The following MAGI2 variants were observed in gnomAD, a reference collection of about 807,000 sequenced individuals.
The protein encoded by MAGI2 is membrane-associated guanylate kinase, WW and PDZ domain-containing protein 2.
MAGI2 carries 35 observed loss-of-function variants against 133.3 expected under a neutral mutation model. The observed-to-expected ratio is 0.26, with a 90% confidence interval of 0.20 to 0.35. MAGI2 has a LOEUF of 0.35. Among genes scored for constraint, MAGI2 ranks in the 10% least tolerant of loss-of-function variants. The pLI, the probability that MAGI2 is intolerant of heterozygous loss-of-function variation, is 1.00. For missense variants in MAGI2, 1,636 were observed against 1,863.4 expected (o/e 0.88, Z 2.25); for synonymous variants, 729 against 710.6 (o/e 1.03, Z -0.41).
At chr7:78,290,670 T>G (rs1221797851) in intron 9 of MAGI2, among the ~76,000 whole-genome samples, 3 of 152,190 alleles carry the variant, frequency 2.0e-5, no homozygotes, top group African/African-American at 7.2e-5. Flanking sequence ...GCATTGCACT[T>G]ATTCCAAAAT....
chr7:79,407,766 A>G (rs1176555753), intron 1 of MAGI2, among the ~76,000 whole-genome samples: 3 of 152,004 alleles, frequency 2.0e-5, no homozygotes, highest in Admixed American at 6.6e-5. Flanking sequence ...ATCCAAACAT[A>G]TTTCTTGTGA....
rs181943108 is a variant in MAGI2, at chr7:78,378,848, A to T, written c.1046-9635T>A. ...GGACAAAGATAGAATAATAATATGTAAATGTCTTATATTGAGACAATATAG... is the reference window on the plus strand; with the variant it reads ...GGACAAAGATAGAATAATAATATGTTAATGTCTTATATTGAGACAATATAG... On this transcript the variant is annotated intron_variant, in intron 6 of 21. Coordinates refer to ENST00000354212, the MANE Select transcript of MAGI2 (RefSeq NM_012301.4). Among the ~76,000 whole-genome samples, 365 of 152,214 alleles carry T rather than the reference A, an allele frequency of 2.4e-3. 1 individual carries two copies. The highest frequency in any genetic ancestry group is 7.3e-3 in the Admixed American group (111 of 15,270).
intron 6 of MAGI2, among the ~76,000 whole-genome samples, chr7:78,452,490 T>C (rs997226903): frequency 2.0e-5 from 3 of 152,002 alleles, no homozygotes; most frequent in Non-Finnish European, 4.4e-5. Flanking sequence ...TATGTGCTAA[T>C]AGTTTTGAAA....
chr7:78,598,411 A>G (rs1309134714), intron 3 of MAGI2, among the ~76,000 whole-genome samples: 1 of 152,098 alleles, frequency 6.6e-6, no homozygotes, highest in Admixed American at 6.6e-5. Context: ...ACCTTGAGTT[A>G]TGAGAGGGCA....
chr7:78,157,898 C>G (rs1053230761), intron 16 of MAGI2, among the ~76,000 whole-genome samples: 3 of 152,184 alleles, frequency 2.0e-5, no homozygotes, highest in African/African-American at 4.8e-5. Context: ...TGAAATTGTA[C>G]TTTCAGATGT....
intron 6 of MAGI2, among the ~76,000 whole-genome samples, chr7:78,478,273 T>C (rs1791990867): frequency 6.6e-6 from 1 of 151,958 alleles, no homozygotes; most frequent in Non-Finnish European, 1.5e-5. Flanking sequence ...GCAAAGAACA[T>C]GAACTCATCT....
At chr7:79,156,391 T>C (rs1190342003) in intron 1 of MAGI2, among the ~76,000 whole-genome samples, 1 of 152,112 alleles carries the variant, frequency 6.6e-6, no homozygotes, top group Non-Finnish European at 1.5e-5. Context: ...GAACAGATTA[T>C]CTGAAAATCT....
chr7:78,512,529 C>T (rs962651061), intron 4 of MAGI2, among the ~76,000 whole-genome samples: 1 of 152,172 alleles, frequency 6.6e-6, no homozygotes, highest in African/African-American at 2.4e-5. Context: ...CCTCAGTCTC[C>T]CGAGTAACTG....
At chr7:79,280,796 G>A (rs111732291) in intron 1 of MAGI2, among the ~76,000 whole-genome samples, 4,242 of 151,424 alleles carry the variant, frequency 0.028, 83 homozygotes, top group African/African-American at 0.039. Context: ...ATGGTGGTGC[G>A]AACCTGTAGT....
intron 1 of MAGI2, among the ~76,000 whole-genome samples, chr7:79,337,782 C>G (rs1840547891): frequency 6.6e-6 from 1 of 152,118 alleles, no homozygotes; most frequent in Non-Finnish European, 1.5e-5. Context: ...ATGTTCTAAT[C>G]TCTGACTAAA....
At chr7:78,228,707 T>C (rs928563372) in intron 10 of MAGI2, among the ~76,000 whole-genome samples, 2 of 152,136 alleles carry the variant, frequency 1.3e-5, no homozygotes, top group Non-Finnish European at 2.9e-5. Flanking sequence ...TAAAAGTCAG[T>C]AAAAGTAGAA....
intron 10 of MAGI2, among the ~76,000 whole-genome samples, chr7:78,222,135 G>T (rs914482020): frequency 8.5e-5 from 13 of 152,060 alleles, no homozygotes; most frequent in Non-Finnish European, 1.8e-4. Context: ...GGTTTAATAT[G>T]TTGGGAATGC....
At position 78,960,852 on chromosome 7, in the gene MAGI2, C is replaced by T. The variant is rs374483971; in HGVS notation, c.418+46238G>A. 2.0e-4 allele frequency among the ~76,000 whole-genome samples: 31 copies of T among 152,132 alleles called. No individual in the cohort carries two copies. The South Asian group carries it at 6.0e-3, about 29-fold the overall frequency. ...CTAAGTACTTTCAGGATATTTAATC[C>T]TCATTAGCCCATATTTTAAACTGAA... is the stretch of plus-strand genomic sequence containing the variant. On this transcript the variant is annotated intron_variant, in intron 2 of 21. Coordinates refer to ENST00000354212, the MANE Select transcript of MAGI2 (RefSeq NM_012301.4).
intron 20 of MAGI2, among the ~76,000 whole-genome samples, chr7:78,093,136 C>CAAAAAAAA (rs1157039018): frequency 3.1e-5 from 1 of 32,330 alleles, no homozygotes; most frequent in Non-Finnish European, 5.0e-5. Context: ...ACTCCTTCTC[C>CAAAAAAAA]AAAAAAAAAA....
intron 3 of MAGI2, among the ~76,000 whole-genome samples, chr7:78,583,849 A>T (rs1803108061): frequency 6.6e-6 from 1 of 152,200 alleles, no homozygotes; most frequent in South Asian, 2.1e-4. Context: ...AGTCAGTTTC[A>T]TTTCTCTTGT....
At chr7:78,469,270 A>G (rs965165527) in intron 6 of MAGI2, among the ~76,000 whole-genome samples, 11 of 152,176 alleles carry the variant, frequency 7.2e-5, no homozygotes, top group Non-Finnish European at 1.2e-4. Flanking sequence ...CATTAGCCAT[A>G]TGGAGCAAAT....
intron 2 of MAGI2, among the ~76,000 whole-genome samples, chr7:78,870,416 A>C (rs1206163869): frequency 1.3e-5 from 2 of 152,054 alleles, no homozygotes; most frequent in Non-Finnish European, 2.9e-5. Context: ...TCAAAAGAAG[A>C]TATACAAATG....
chr7:78,474,923 T>A (rs1280195167), intron 6 of MAGI2, among the ~76,000 whole-genome samples: 1 of 151,802 alleles, frequency 6.6e-6, no homozygotes, highest in Non-Finnish European at 1.5e-5. Flanking sequence ...CTTAAACTAT[T>A]GGAAAGCTAT....
At chr7:78,563,449 G>C (rs560215827) in intron 3 of MAGI2, among the ~76,000 whole-genome samples, 1 of 152,250 alleles carries the variant, frequency 6.6e-6, no homozygotes, top group East Asian at 1.9e-4. Flanking sequence ...ATGATGCAAA[G>C]CCACATTGAT....
Sources: allele counts gnomAD v4.1 joint callset (sites outside exome capture counted in the v4.1 genomes callset), GRCh38; gene constraint gnomAD v4.1.1; transcripts MANE v1.5; gene names NCBI Gene and HGNC (gene_info 2026-07-23, HGNC 2026-07-21).